Variants in LILRB1 observed in about 807,000 individuals in gnomAD.
LILRB1 encodes leukocyte immunoglobulin-like receptor subfamily B member 1.
A neutral mutation model predicts 74.6 loss-of-function variants in LILRB1; 59 were observed. That is an observed-to-expected ratio of 0.79 (90% CI 0.64 to 0.98). The LOEUF (loss-of-function observed/expected upper bound fraction) is 0.98, where lower values mean the gene tolerates loss of function less well. Among genes scored for constraint, LILRB1 ranks in the 50% least tolerant of loss-of-function variants. The pLI, the probability that LILRB1 is intolerant of heterozygous loss-of-function variation, is 0.00. For synonymous variants in LILRB1, 328 were observed against 333.9 expected (o/e 0.98, Z 0.19); for missense variants, 804 against 822.6 (o/e 0.98, Z 0.28).
At chr19:54,620,063 A>T (rs1157294733) in intron 1 of LILRB1, among the ~76,000 whole-genome samples, 2 of 152,004 alleles carry the variant, frequency 1.3e-5, no homozygotes, top group African/African-American at 4.8e-5. Flanking sequence ...GCAAAAAAAA[A>T]AGTAGGTTTT....
At chr19:54,629,098 C>A (rs937846238), upstream of LILRB1, among the ~76,000 whole-genome samples, 1 of 152,178 alleles carries the variant, frequency 6.6e-6, no homozygotes, top group Non-Finnish European at 1.5e-5. Context: ...AGCAACGCAG[C>A]CTTGAATTCC....
Position 54,637,041 on chromosome 19 carries a change from T to G in LILRB1, c.*163T>G. 3 of 760,274 alleles carry G rather than the reference T, an allele frequency of 3.9e-6. No homozygotes were observed. The highest frequency in any genetic ancestry group is 6.2e-6 in the Non-Finnish European group (3 of 482,828). The allele number at this position is 760,274 out of a possible 1,614,324, so 47.1% of individuals were successfully genotyped here. ...CTGCAGTATAAATAACTAATGTCTC[T>G]ACAATTTTGAAATAAAGCAACAGAC... On this transcript the variant is annotated 3_prime_UTR_variant, in exon 15 of 15. Coordinates refer to ENST00000324602, the MANE Select transcript of LILRB1 (RefSeq NM_001081637.3).
chr19:54,632,687 C>T lies in LILRB1; in HGVS notation c.885C>T (p.Tyr295=). ...TGAGCCGCTCCTACGGGGGCCAGTA[C>T]AGATGCTACGGTGCACACAACCTCT... ...GPVSRSYGGQ[Y]RCYGAHNLSS... Residue 295 remains tyrosine, a synonymous_variant, in exon 6 of 15, where the codon TAC becomes TAT. Coordinates refer to ENST00000324602, the MANE Select transcript of LILRB1 (RefSeq NM_001081637.3). The T allele has an allele frequency of 2.5e-6, 4 of 1,613,278 alleles. No homozygotes were observed. Among genetic ancestry groups the T allele is most frequent in the Non-Finnish European group, 3.4e-6 (4 of 1,180,004 alleles).
upstream of LILRB1, among the ~76,000 whole-genome samples, chr19:54,625,436 C>T (rs763295408): frequency 2.0e-5 from 3 of 152,114 alleles, no homozygotes; most frequent in African/African-American, 4.8e-5. Context: ...TGGGATTCCA[C>T]GTGGGCTCCA....
At chr19:54,623,619 C>T (rs6509889) in intron 1 of LILRB1, among the ~76,000 whole-genome samples, 103,511 of 152,074 alleles carry the variant, frequency 0.68, 35,694 homozygotes, top group South Asian at 0.75. Flanking sequence ...TTTTCTTTCA[C>T]TGATTCTTTG....
Position 54,636,287 on chromosome 19 carries a change from AGGCTGCAGCCAAATG to A in LILRB1, c.1654-203_1654-189del, listed in dbSNP as rs1032261318. The A allele has an allele frequency of 1.3e-5, 13 of 1,014,078 alleles. No individual in the cohort carries two copies. The African/African-American group carries it at 1.6e-4, about 13-fold the overall frequency. The allele number at this position is 1,014,078 out of a possible 1,614,324, so 62.8% of individuals were successfully genotyped here. On this transcript the variant is annotated intron_variant, in intron 13 of 14. Coordinates refer to ENST00000324602, the MANE Select transcript of LILRB1 (RefSeq NM_001081637.3). Reference sequence around the variant, plus strand: ...GCGAGCTCTTGCAGGAAGGCCCGTGAGGCTGCAGCCAAATGGGCAACGTCAGAGTGAGGAGCAGAG... The same window carrying A: ...GCGAGCTCTTGCAGGAAGGCCCGTGAGGCAACGTCAGAGTGAGGAGCAGAG...
rs2064227341 is a variant in LILRB1 at position 54,634,630 on chromosome 19, T to G, written c.1364-11T>G. 1 of 1,609,954 alleles carries G rather than the reference T, an allele frequency of 6.2e-7. No homozygotes were observed. The highest frequency in any genetic ancestry group is 8.5e-7 in the Non-Finnish European group (1 of 1,177,738). On this transcript the variant is annotated splice_polypyrimidine_tract_variant and intron_variant, in intron 9 of 14. Transcript: ENST00000324602. ...GACATCACCCCCATCCCTGACATCA[T>G]CGTGCTCAAGGTCTGGGAAGGCACC...
intron 5 of LILRB1, 27 bp downstream of exon 5, chr19:54,632,264 G>A: frequency 6.3e-7 from 1 of 1,599,722 alleles, no homozygotes; most frequent in South Asian, 1.1e-5. Flanking sequence ...ATTGCCTGGA[G>A]TTCCCTGAGT....
intron 6 of LILRB1, 85 bp from the exon 7 acceptor site, chr19:54,632,931 C>T (rs894996386): frequency 6.6e-7 from 1 of 1,512,822 alleles, no homozygotes. Flanking sequence ...GAGACAGAGA[C>T]ACTGAGGGTC....
rs2063979492 is a variant in LILRB1 at position 54,632,602 on chromosome 19, A to C, written c.800A>C (p.Gln267Pro). ...LYKDGERDFL[Q>P]LAGAQPQAGL... ...AAGGACGGGGAACGTGACTTCCTTCAGCTCGCTGGCGCACAGCCCCAGGCT... is the reference window on the plus strand; with the variant it reads ...AAGGACGGGGAACGTGACTTCCTTCCGCTCGCTGGCGCACAGCCCCAGGCT... The change falls in exon 6 of 15, where the codon CAG (glutamine) becomes CCG (proline). Residue 267 changes from glutamine to proline, a missense_variant. Transcript: ENST00000324602. The C allele has an allele frequency of 1.2e-6, 2 of 1,614,146 alleles. No individual in the cohort carries two copies. Among genetic ancestry groups the C allele is most frequent in the Middle Eastern group, 1.7e-4 (1 of 6,050 alleles).
At chr19:54,620,976 G>A (rs557029140) in intron 1 of LILRB1, among the ~76,000 whole-genome samples, 3 of 152,106 alleles carry the variant, frequency 2.0e-5, no homozygotes, top group Admixed American at 6.5e-5. Context: ...GGGTTCAAGC[G>A]ATTCTCCTGC....
chr19:54,618,061 A>G (rs956645854), intron 1 of LILRB1, among the ~76,000 whole-genome samples: 1 of 148,454 alleles, frequency 6.7e-6, no homozygotes, highest in African/African-American at 2.5e-5. Flanking sequence ...GGATCATGCC[A>G]CTGCATTCCA....
Position 54,635,305 on chromosome 19 carries a change from G to T in LILRB1, c.1600+9G>T. The T allele has an allele frequency of 7.4e-6, 12 of 1,613,376 alleles. No homozygotes were observed. Among genetic ancestry groups the T allele is most frequent in the Non-Finnish European group, 9.3e-6 (11 of 1,179,416 alleles). On this transcript the variant is annotated intron_variant, in intron 12 of 14. Coordinates refer to ENST00000324602, the MANE Select transcript of LILRB1 (RefSeq NM_001081637.3). The stretch of plus-strand genomic sequence containing the variant: ...CCAGGAAGAAAACCTCTGTGAGTGA[G>T]AGGAAGAGGTGACCAGCCAGGAGGG...
upstream of LILRB1, among the ~76,000 whole-genome samples, chr19:54,626,148 C>A (rs973544198): frequency 2.6e-5 from 4 of 152,236 alleles, no homozygotes; most frequent in Non-Finnish European, 5.9e-5. Context: ...CCTTTCCATT[C>A]AGCCAACTTG....
upstream of LILRB1, among the ~76,000 whole-genome samples, chr19:54,629,444 G>A (rs1405108897): frequency 6.6e-6 from 1 of 152,194 alleles, no homozygotes; most frequent in African/African-American, 2.4e-5. Context: ...GCACATCCTT[G>A]AGATCCACAA....
At chr19:54,619,438 A>ATTTG (rs1184970680) in intron 1 of LILRB1, among the ~76,000 whole-genome samples, 45 of 152,302 alleles carry the variant, frequency 3.0e-4, no homozygotes, top group Middle Eastern at 6.8e-3. Context: ...CCTAATCCAA[A>ATTTG]ACTAAATAAT....
chr19:54,632,464 G>T lies in LILRB1; in HGVS notation c.662G>T (p.Gly221Val). 1 of 1,598,226 alleles carries T rather than the reference G, an allele frequency of 6.3e-7. No homozygotes were observed. Among genetic ancestry groups the T allele is most frequent in the Non-Finnish European group, 8.5e-7 (1 of 1,169,992 alleles). Residue 221 changes from glycine to valine, a missense_variant and splice_region_variant, in exon 6 of 15, where the codon GGT (glycine) becomes GTT (valine). Physicochemically the swap from Gly to Val is moderately radical, Grantham distance 109 (BLOSUM62 -3). Transcript: ENST00000324602. ...PSDLLELLVL[G>V]VSKKPSLSVQ... is the part of the protein sequence containing the mutation. Reference sequence around the variant, plus strand: ...GGAAACCATGACCACCTTTTCCCAGGTGTTTCTAAGAAGCCATCACTCTCA... The same window carrying T: ...GGAAACCATGACCACCTTTTCCCAGTTGTTTCTAAGAAGCCATCACTCTCA...
chr19:54,631,661 G>A lies in LILRB1; in HGVS notation c.232G>A (p.Val78Met), dbSNP rs2063865140. Residue 78 changes from valine (V) to methionine (M), a missense_variant, in exon 4 of 15, where the codon GTG becomes ATG. Physicochemically the swap from Val to Met is conservative, Grantham distance 21. Coordinates refer to ENST00000324602, the MANE Select transcript of LILRB1 (RefSeq NM_001081637.3). ...PWITRIPQEL[V>M]KKGQFPIPSI... ...GATTACACGGATCCCACAGGAGCTT[G>A]TGAAGAAGGGCCAGTTCCCCATCCC... 2 of 1,614,284 alleles carry A rather than the reference G, an allele frequency of 1.2e-6. No homozygotes were observed. Among genetic ancestry groups the A allele is most frequent in the Non-Finnish European group, 1.7e-6 (2 of 1,180,044 alleles).
intron 13 of LILRB1, chr19:54,635,890 A>G (rs201477561): frequency 3.1e-6 from 2 of 639,180 alleles, no homozygotes; most frequent in East Asian, 3.2e-5. Flanking sequence ...TAAATGAACC[A>G]CCCCGGTCCC....
Sources: gnomAD v4.1 joint callset for allele counts (sites outside exome capture counted in the v4.1 genomes callset) on GRCh38, gnomAD v4.1.1 for gene constraint, MANE v1.5 for transcripts, NCBI Gene and HGNC (gene_info 2026-07-23, HGNC 2026-07-21) for gene names.